LRRD1: variants seen among roughly 807,000 people sequenced by gnomAD.
LRRD1 encodes leucine-rich repeat and death domain-containing protein 1.
LRRD1 carries 49 observed loss-of-function variants against 69.5 expected under a neutral mutation model. The ratio of observed to expected loss-of-function variants is 0.70; its 90% CI spans 0.56 to 0.89. LRRD1 has a LOEUF of 0.89. LRRD1 is among the 40% of genes least tolerant of loss of function. The pLI is 0.00. For missense variants in LRRD1, 853 were observed against 956.0 expected (o/e 0.89, Z 1.42); for synonymous variants, 303 against 338.9 (o/e 0.89, Z 1.16).
At chr7:92,161,128 T>C (rs1284429527) in intron 2 of LRRD1, among the ~76,000 whole-genome samples, 1 of 152,266 alleles carries the variant, frequency 6.6e-6, no homozygotes, top group East Asian at 1.9e-4. Flanking sequence ...AGCTGTATGA[T>C]GATGGAATTC....
At chr7:92,150,180 T>C (rs1584650981) in intron 4 of LRRD1, among the ~76,000 whole-genome samples, 1 of 152,232 alleles carries the variant, frequency 6.6e-6, no homozygotes, top group South Asian at 2.1e-4. Flanking sequence ...AGATAGTGTC[T>C]TGTGGCTTGG....
At chr7:92,167,112 TTTGTGGGGACAGTCTTCTCTGTCAC>T (rs1788928486) in intron 1 of LRRD1, among the ~76,000 whole-genome samples, 1 of 151,808 alleles carries the variant, frequency 6.6e-6, no homozygotes, top group South Asian at 2.1e-4. Context: ...TTTTTTTTTT[TTTGTGGGGACAGTCTTCTCTGTCAC>T]CAGGCTAGAG....
chr7:92,169,259 A>C (rs1230206363), intron 1 of LRRD1, among the ~76,000 whole-genome samples: 3 of 152,126 alleles, frequency 2.0e-5, no homozygotes, highest in Non-Finnish European at 4.4e-5. Context: ...TAACACACAC[A>C]AAAAAACAGT....
chr7:92,147,447 A>G (rs576969724), intron 4 of LRRD1, among the ~76,000 whole-genome samples: 1 of 151,294 alleles, frequency 6.6e-6, no homozygotes, highest in Admixed American at 6.6e-5. Context: ...GCTTCCTTCA[A>G]TTCTGGCTTT....
chr7:92,164,025 C>G lies in LRRD1; in HGVS notation c.1178G>C (p.Cys393Ser), dbSNP rs566173796. ...LLKNIPEKIS[C>S]CAMLECLSLS... The stretch of plus-strand genomic sequence containing the variant: ...ACTAAGGCATTCCAACATTGCACAG[C>G]AAGATATTTTCTCTGGTATATTTTT... Residue 393 changes from cysteine to serine, a missense_variant, in exon 2 of 6, where the codon TGC (cysteine) becomes TCC (serine). By Grantham distance (112) the Cys-to-Ser change is moderately radical. Coordinates refer to ENST00000458448, the MANE Select transcript of LRRD1 (RefSeq NM_001161528.2). 4 of 1,539,982 alleles carry G rather than the reference C, an allele frequency of 2.6e-6. No homozygotes were observed. The highest frequency in any genetic ancestry group is 2.8e-5 in the African/African-American group (2 of 72,248).
rs116785861 is a variant in LRRD1, at chr7:92,172,419, A to G, written c.-75+6588T>C. On this transcript the variant is annotated intron_variant, in intron 1 of 5. Coordinates refer to ENST00000458448, the MANE Select transcript of LRRD1 (RefSeq NM_001161528.2). ...GTCAAATTAGCCTTGTTCACAGGCG[A>G]TATTATTTTACACTTAGAAAAATCT... 9.7e-3 allele frequency among the ~76,000 whole-genome samples: 1,479 copies of G among 152,318 alleles called. 33 individuals carry two copies. The highest frequency in any genetic ancestry group is 0.034 in the African/African-American group (1,411 of 41,570).
chr7:92,148,950 T>G (rs1820399237), intron 4 of LRRD1, among the ~76,000 whole-genome samples: 1 of 152,156 alleles, frequency 6.6e-6, no homozygotes, highest in African/African-American at 2.4e-5. Context: ...GGTTTCACCA[T>G]GTTGGCCAGG....
At chr7:92,160,175 T>C (rs1363527605) in intron 2 of LRRD1, among the ~76,000 whole-genome samples, 3 of 152,168 alleles carry the variant, frequency 2.0e-5, no homozygotes, top group African/African-American at 7.2e-5. Flanking sequence ...AATAGGGCCA[T>C]TATGAGTGGC....
At chr7:92,149,217 A>G (rs1018423331) in intron 4 of LRRD1, among the ~76,000 whole-genome samples, 6 of 152,248 alleles carry the variant, frequency 3.9e-5, no homozygotes, top group African/African-American at 1.4e-4. Context: ...TTGTGACTTT[A>G]AAGACTAAGC....
intron 4 of LRRD1, among the ~76,000 whole-genome samples, chr7:92,149,383 G>A (rs1035126667): frequency 1.3e-5 from 2 of 152,172 alleles, no homozygotes; most frequent in African/African-American, 4.8e-5. Flanking sequence ...TTAAATTAGA[G>A]GACCAAAATC....
At chr7:92,176,466 AC>A (rs1789199671) in intron 1 of LRRD1, among the ~76,000 whole-genome samples, 1 of 151,722 alleles carries the variant, frequency 6.6e-6, no homozygotes, top group African/African-American at 2.4e-5. Context: ...GCATTTTTTA[AC>A]CCCTTTAGTA....
downstream of LRRD1, among the ~76,000 whole-genome samples, chr7:92,143,663 C>A (rs1336212643): frequency 6.6e-6 from 1 of 152,134 alleles, no homozygotes; most frequent in Non-Finnish European, 1.5e-5. Context: ...TCGCGCTGGC[C>A]CGCAAGCACC....
At chr7:92,173,119 T>G (rs1455552839) in intron 1 of LRRD1, among the ~76,000 whole-genome samples, 1 of 152,116 alleles carries the variant, frequency 6.6e-6, no homozygotes, top group Non-Finnish European at 1.5e-5. Context: ...TAATAAATGG[T>G]GCTGAGAAAA....
At chr7:92,146,304 A>C in intron 4 of LRRD1, 104 bp from the exon 5 acceptor site, 1 of 620,258 alleles carries the variant, frequency 1.6e-6, no homozygotes, top group Non-Finnish European at 2.7e-6. Flanking sequence ...TATGAAATAT[A>C]TATGTTAAGT....
rs200134361 is a variant in LRRD1, at chr7:92,154,689, A to G, written c.2117-3994T>C. ...TTATATAGTGTGTAGGATCAAAATT[A>G]TATTGTGGTTATTTATTTGTTTTTG... On this transcript the variant is annotated intron_variant, in intron 3 of 5. Coordinates refer to ENST00000458448, the MANE Select transcript of LRRD1 (RefSeq NM_001161528.2). Among the ~76,000 whole-genome samples, 17 of 152,038 alleles carry G rather than the reference A, an allele frequency of 1.1e-4. No homozygotes were observed. In the East Asian group the frequency reaches 2.9e-3, roughly 26 times the overall value.
Position 92,167,876 on chromosome 7 carries a change from C to CAAAAAAAAAAAAAAAAA in LRRD1, c.-74-2617_-74-2601dup, listed in dbSNP as rs542619786. ...TGGGCAACACAGCGAGACTCTGTCT[C>CAAAAAAAAAAAAAAAAA]AAAAAAAAAAAAAAAAAAAAAAAAA... On this transcript the variant is annotated intron_variant, in intron 1 of 5. Transcript: ENST00000458448. Among the ~76,000 whole-genome samples, 26 of 46,200 alleles carry CAAAAAAAAAAAAAAAAA rather than the reference C, an allele frequency of 5.6e-4. 1 individual carries two copies. The highest frequency in any genetic ancestry group is 2.3e-3 in the African/African-American group (24 of 10,548). The allele number at this position is 46,200 out of a possible 152,430, so 30.3% of individuals were successfully genotyped here. A position where few individuals can be genotyped will look rare whatever the true frequency, so the allele number is the denominator to read the frequency against.
chr7:92,172,124 CA>C (rs748076173), intron 1 of LRRD1, among the ~76,000 whole-genome samples: 1 of 150,938 alleles, frequency 6.6e-6, no homozygotes. Context: ...AACCCTGTAT[CA>C]AAAAAAAGAA....
chr7:92,158,138 G>A (rs146392668), intron 3 of LRRD1, among the ~76,000 whole-genome samples: 35 of 152,228 alleles, frequency 2.3e-4, no homozygotes, highest in African/African-American at 7.7e-4. Context: ...AGGTTGGTCT[G>A]TGTGATCAAT....
At chr7:92,143,466 G>A (rs1820225189), downstream of LRRD1, among the ~76,000 whole-genome samples, 2 of 152,324 alleles carry the variant, frequency 1.3e-5, no homozygotes, top group Non-Finnish European at 2.9e-5. Context: ...GCCCACGGAA[G>A]TGGGGGAGGC....
Sources: allele counts gnomAD v4.1 joint callset (sites outside exome capture counted in the v4.1 genomes callset), GRCh38; gene constraint gnomAD v4.1.1; transcripts MANE v1.5; gene names NCBI Gene and HGNC (gene_info 2026-07-23, HGNC 2026-07-21).